The following PCSK2 variants were observed in gnomAD, a reference collection of about 807,000 sequenced individuals.
PCSK2 encodes proprotein convertase subtilisin/kexin type 2.
Under a neutral mutation model 69.7 loss-of-function variants are expected in PCSK2, and 14 were observed. The ratio of observed to expected loss-of-function variants is 0.20; its 90% CI spans 0.13 to 0.31. The LOEUF (loss-of-function observed/expected upper bound fraction) is 0.31. Among genes scored for constraint, PCSK2 ranks in the 10% least tolerant of loss-of-function variants. The pLI is 1.00. For synonymous variants in PCSK2, 307 were observed against 320.7 expected (o/e 0.96, Z 0.46); for missense variants, 544 against 842.5 (o/e 0.65, Z 4.39).
At chr20:17,290,933 C>T (rs1013010526) in intron 2 of PCSK2, among the ~76,000 whole-genome samples, 4 of 152,006 alleles carry the variant, frequency 2.6e-5, no homozygotes, top group Admixed American at 6.6e-5. Flanking sequence ...GAGCCCACCC[C>T]CACGGTACCT....
At chr20:17,312,526 C>T (rs1346221219) in intron 2 of PCSK2, among the ~76,000 whole-genome samples, 13 of 151,944 alleles carry the variant, frequency 8.6e-5, no homozygotes, top group South Asian at 6.3e-4. Context: ...AAAACTAACC[C>T]GACAACAAAC....
At chr20:17,353,404 G>T (rs113840539) in intron 2 of PCSK2, among the ~76,000 whole-genome samples, 11,758 of 149,412 alleles carry the variant, frequency 0.079, 500 homozygotes, top group South Asian at 0.11. Flanking sequence ...GGTGGAGGTT[G>T]CAGTGAGCCA....
intron 5 of PCSK2, among the ~76,000 whole-genome samples, chr20:17,382,799 C>T (rs2031124706): frequency 6.6e-6 from 1 of 152,156 alleles, no homozygotes; most frequent in Non-Finnish European, 1.5e-5. Context: ...GGCTCTCCCC[C>T]TTCCCTGTGA....
At chr20:17,438,524 A>G (rs952882119) in intron 8 of PCSK2, among the ~76,000 whole-genome samples, 1 of 152,126 alleles carries the variant, frequency 6.6e-6, no homozygotes, top group Non-Finnish European at 1.5e-5. Flanking sequence ...TTCAGGGGGC[A>G]GGTATGGAAT....
At chr20:17,338,171 TGG>T (rs71192374) in intron 2 of PCSK2, among the ~76,000 whole-genome samples, 7 of 112,920 alleles carry the variant, frequency 6.2e-5, no homozygotes, top group Middle Eastern at 4.5e-3. Flanking sequence ...ACATTTTTTT[TGG>T]GGGGGGGGGT....
chr20:17,249,787 G>A (rs184791073), intron 1 of PCSK2, among the ~76,000 whole-genome samples: 28 of 152,142 alleles, frequency 1.8e-4, no homozygotes, highest in East Asian at 1.4e-3. Flanking sequence ...AACCTAATTC[G>A]AGAAATCAAA....
chr20:17,322,007 A>G (rs1311809965), intron 2 of PCSK2, among the ~76,000 whole-genome samples: 2 of 151,914 alleles, frequency 1.3e-5, no homozygotes, highest in South Asian at 2.1e-4. Flanking sequence ...TGTTTAACCA[A>G]TGTTAGGGAA....
chr20:17,281,810 G>A (rs1600445786), intron 2 of PCSK2, among the ~76,000 whole-genome samples: 1 of 152,122 alleles, frequency 6.6e-6, no homozygotes, highest in Non-Finnish European at 1.5e-5. Flanking sequence ...GAACCCTCTG[G>A]AAAGTGCCCT....
chr20:17,233,695 C>G (rs1018392530), intron 1 of PCSK2, among the ~76,000 whole-genome samples: 10 of 152,176 alleles, frequency 6.6e-5, no homozygotes, highest in African/African-American at 2.4e-4. Context: ...AGCTTTCCAA[C>G]CCCAGTTTCC....
At chr20:17,322,271 G>C (rs138463689) in intron 2 of PCSK2, among the ~76,000 whole-genome samples, 64 of 152,232 alleles carry the variant, frequency 4.2e-4, no homozygotes, top group African/African-American at 1.5e-3. Flanking sequence ...TTTATGAAAA[G>C]TTTCTTTGGG....
chr20:17,265,128 T>C (rs1987545110), intron 2 of PCSK2, among the ~76,000 whole-genome samples: 1 of 152,154 alleles, frequency 6.6e-6, no homozygotes. Context: ...CCTCCCAAAA[T>C]GCTGGAAAGT....
At chr20:17,471,313 A>C (rs1041636411) in intron 11 of PCSK2, among the ~76,000 whole-genome samples, 1 of 152,162 alleles carries the variant, frequency 6.6e-6, no homozygotes, top group Non-Finnish European at 1.5e-5. Context: ...TGATCATCCC[A>C]ACATCTCACA....
At chr20:17,317,779 T>C (rs935302328) in intron 2 of PCSK2, among the ~76,000 whole-genome samples, 9 of 152,162 alleles carry the variant, frequency 5.9e-5, no homozygotes, top group Non-Finnish European at 1.3e-4. Flanking sequence ...TGGGAAGAGT[T>C]TCTTTTTTCA....
chr20:17,305,397 TA>T (rs1379999351), intron 2 of PCSK2, among the ~76,000 whole-genome samples: 2 of 152,232 alleles, frequency 1.3e-5, no homozygotes, highest in Admixed American at 6.5e-5. Context: ...CTGATGGAGC[TA>T]AATCCAAAGA....
intron 2 of PCSK2, among the ~76,000 whole-genome samples, chr20:17,262,628 T>G (rs1275416825): frequency 2.0e-5 from 3 of 152,150 alleles, no homozygotes; most frequent in Non-Finnish European, 1.5e-5. Context: ...CTATGAACAG[T>G]GCAAAGATAG....
chr20:17,288,851 T>G (rs1988604466), intron 2 of PCSK2, among the ~76,000 whole-genome samples: 1 of 152,238 alleles, frequency 6.6e-6, no homozygotes, highest in Non-Finnish European at 1.5e-5. Flanking sequence ...TCTATGGTAC[T>G]TTGTTACAGC....
chr20:17,453,704 G>T lies in PCSK2; in HGVS notation c.886-38G>T, dbSNP rs764860748. On this transcript the variant is annotated intron_variant, in intron 8 of 11. Transcript: ENST00000262545. The surrounding 1 kb of genome is among the most constrained non-coding windows in gnomAD (Gnocchi z 4.0). ...CCTCCCCTGCCCCCTCGCAGCCCAG[G>T]CTGTGGGTAGCGGCAGCGTCTCCCC... is the stretch of plus-strand genomic sequence containing the variant. 5.6e-6 allele frequency: 9 copies of T among 1,606,852 alleles called. No individual in the cohort carries two copies. Among genetic ancestry groups the T allele is most frequent in the Non-Finnish European group, 7.6e-6 (9 of 1,177,948 alleles).
intron 7 of PCSK2, among the ~76,000 whole-genome samples, chr20:17,433,791 C>CTCTCTA: frequency 8.6e-6 from 1 of 115,690 alleles, no homozygotes; most frequent in Non-Finnish European, 1.9e-5. Context: ...TGATTTCTCT[C>CTCTCTA]TCTCTCTCTC....
chr20:17,360,563 G>A lies in PCSK2; in HGVS notation c.428G>A (p.Gly143Asp). 2 of 1,612,656 alleles carry A rather than the reference G, an allele frequency of 1.2e-6. No individual in the cohort carries two copies. Among genetic ancestry groups the A allele is most frequent in the Non-Finnish European group, 1.7e-6 (2 of 1,179,174 alleles). The part of the protein sequence containing the change: ...INTGQADGTP[G>D]LDLNVAEAWE... ...ACTGGGCAAGCTGATGGCACTCCTG[G>A]CCTTGATTTGAATGTGGCTGAAGCC... The change falls in exon 4 of 12, where the codon GGC (glycine) becomes GAC (aspartate). Residue 143 changes from glycine to aspartate, a missense_variant. Around this residue, in one of 3 missense-constraint regions of PCSK2, gnomAD observed 187 missense variants for 399.8 expected, o/e 0.47. Transcript: ENST00000262545.
Sources: gnomAD v4.1 joint callset for allele counts (sites outside exome capture counted in the v4.1 genomes callset) on GRCh38, gnomAD v4.1.1 for gene constraint, gnomAD v4.1.1 regional missense constraint, Gnocchi (gnomAD v3.1) non-coding constraint, MANE v1.5 for transcripts, NCBI Gene and HGNC (gene_info 2026-07-23, HGNC 2026-07-21) for gene names.